The following HEMK2 variants were observed in gnomAD, a reference collection of about 807,000 sequenced individuals.
HEMK2 encodes the protein HemK methyltransferase 2, ETF1 glutamine and histone H4 lysine.
the HEMK2 span, among the ~76,000 whole-genome samples, chr21:28,678,806 T>C: frequency 6.6e-6 from 1 of 152,212 alleles, no homozygotes; most frequent in East Asian, 1.9e-4. Flanking sequence ...GCTTCATAAG[T>C]GAAGGAGAAA....
chr21:28,635,935 T>C, the HEMK2 span, among the ~76,000 whole-genome samples: 2 of 152,112 alleles, frequency 1.3e-5, no homozygotes, highest in Non-Finnish European at 2.9e-5. Context: ...TTTAATTAAT[T>C]TAAATTTAAA....
chr21:28,801,336 T>C, the HEMK2 span, among the ~76,000 whole-genome samples: 1 of 152,130 alleles, frequency 6.6e-6, no homozygotes, highest in African/African-American at 2.4e-5. Flanking sequence ...CTAGGACAAA[T>C]TACAAATGGA....
the HEMK2 span, among the ~76,000 whole-genome samples, chr21:28,724,110 C>T: frequency 1.1e-4 from 16 of 152,316 alleles, 1 homozygote; most frequent in South Asian, 1.7e-3. Flanking sequence ...AACTCAATCC[C>T]TTCCTCAAGC....
the HEMK2 span, among the ~76,000 whole-genome samples, chr21:28,608,772 C>T: frequency 2.6e-5 from 4 of 152,236 alleles, no homozygotes; most frequent in Non-Finnish European, 5.9e-5. Context: ...CTGGGTGAGG[C>T]CTGTGGCTGC....
At chr21:28,817,924 C>T in the HEMK2 span, among the ~76,000 whole-genome samples, 1 of 152,128 alleles carries the variant, frequency 6.6e-6, no homozygotes, top group African/African-American at 2.4e-5. Context: ...TGTAAAATTG[C>T]CATGTAGATA....
At chr21:28,663,676 C>T in the HEMK2 span, among the ~76,000 whole-genome samples, 2 of 152,196 alleles carry the variant, frequency 1.3e-5, no homozygotes, top group Non-Finnish European at 2.9e-5. Context: ...TGTTGTTTCT[C>T]TCTGTCTTTT....
the HEMK2 span, among the ~76,000 whole-genome samples, chr21:28,743,003 G>A: frequency 0.27 from 41,619 of 151,948 alleles, 6,097 homozygotes; most frequent in East Asian, 0.52. Context: ...TAATGAATGC[G>A]CTGTACCTGG....
chr21:28,858,300 T>G, the HEMK2 span, among the ~76,000 whole-genome samples: 1 of 152,260 alleles, frequency 6.6e-6, no homozygotes, highest in East Asian at 1.9e-4. Context: ...TTAACCCCAA[T>G]AAGTTGAAGC....
the HEMK2 span, among the ~76,000 whole-genome samples, chr21:28,723,093 T>C: frequency 6.6e-6 from 1 of 151,778 alleles, no homozygotes; most frequent in Non-Finnish European, 1.5e-5. Flanking sequence ...CACTGCAGCC[T>C]CCAACTCCTG....
chr21:28,861,245 G>A, the HEMK2 span, among the ~76,000 whole-genome samples: 2 of 152,196 alleles, frequency 1.3e-5, no homozygotes, highest in Admixed American at 6.5e-5. Context: ...CCAAGTGGTG[G>A]CACTCAACTA....
chr21:28,859,600 T>C, the HEMK2 span, among the ~76,000 whole-genome samples: 1 of 152,296 alleles, frequency 6.6e-6, no homozygotes, highest in East Asian at 1.9e-4. Flanking sequence ...TGCTCTAATT[T>C]TTGTCTGATA....
chr21:28,844,540 T>G, the HEMK2 span, among the ~76,000 whole-genome samples: 2 of 152,130 alleles, frequency 1.3e-5, no homozygotes, highest in African/African-American at 2.4e-5. Flanking sequence ...CACATGGCCT[T>G]ACATGTGAAT....
At chr21:28,689,215 C>T in the HEMK2 span, among the ~76,000 whole-genome samples, 2 of 152,160 alleles carry the variant, frequency 1.3e-5, no homozygotes, top group Non-Finnish European at 2.9e-5. Context: ...ACCTGAGCAT[C>T]CACTATAAAG....
chr21:28,878,373 T>G, the HEMK2 span: 1 of 1,607,698 alleles, frequency 6.2e-7, no homozygotes, highest in Non-Finnish European at 8.5e-7. Flanking sequence ...TTAACTCAAG[T>G]TTGATTTAGA....
chr21:28,788,385 G>A, the HEMK2 span, among the ~76,000 whole-genome samples: 1 of 151,880 alleles, frequency 6.6e-6, no homozygotes, highest in Non-Finnish European at 1.5e-5. Flanking sequence ...TGACCTGGAT[G>A]AGACTGGAGA....
chr21:28,691,262 C>A, the HEMK2 span, among the ~76,000 whole-genome samples: 3 of 152,112 alleles, frequency 2.0e-5, no homozygotes, highest in East Asian at 5.8e-4. Context: ...AGGGACTGAA[C>A]GCTTGGGTTT....
chr21:28,831,446 A>AAAAGAAAGAAAGAAAG, the HEMK2 span, among the ~76,000 whole-genome samples: 3,764 of 86,098 alleles, frequency 0.044, 290 homozygotes, highest in East Asian at 0.1. Context: ...CTCTATCTCA[A>AAAAGAAAGAAAGAAAG]AAAGAAAGAA....
At chr21:28,648,075 A>AAG in the HEMK2 span, among the ~76,000 whole-genome samples, 1 of 152,330 alleles carries the variant, frequency 6.6e-6, no homozygotes, top group Non-Finnish European at 1.5e-5. Flanking sequence ...AGATTTCTTA[A>AAG]TGGTGTTTTA....
At chr21:28,615,575 T>C in the HEMK2 span, among the ~76,000 whole-genome samples, 1 of 152,132 alleles carries the variant, frequency 6.6e-6, no homozygotes, top group Non-Finnish European at 1.5e-5. Flanking sequence ...CTCATTACAA[T>C]AAATTCTTGC....
Sources: gnomAD v4.1 joint callset for allele counts (sites outside exome capture counted in the v4.1 genomes callset) on GRCh38, gnomAD v4.1.1 for gene constraint, MANE v1.5 for transcripts, NCBI Gene and HGNC (gene_info 2026-07-23, HGNC 2026-07-21) for gene names.